Variants in SERPINI1 observed in about 807,000 individuals in gnomAD.
SERPINI1 encodes neuroserpin.
SERPINI1 carries 19 observed loss-of-function variants against 41.1 expected under a neutral mutation model. The ratio of observed to expected loss-of-function variants is 0.46; its 90% confidence interval spans 0.32 to 0.68. The LOEUF (loss-of-function observed/expected upper bound fraction) is 0.68, where lower values mean the gene tolerates loss of function less well. SERPINI1 is among the 30% of genes least tolerant of loss of function. SERPINI1 has a pLI of 0.03. For synonymous variants in SERPINI1, 138 were observed against 156.6 expected, an observed-to-expected ratio of 0.88 and a Z score of 0.89; for missense variants, 460 against 479.2, an observed-to-expected ratio of 0.96 and a Z score of 0.37.
chr3:167,774,381 G>C (rs1162504426), intron 1 of SERPINI1, among the ~76,000 whole-genome samples: 1 of 152,068 alleles, frequency 6.6e-6, no homozygotes, highest in Non-Finnish European at 1.5e-5. Context: ...AGAAAATTAT[G>C]GTTATTGGCC....
intron 1 of SERPINI1, among the ~76,000 whole-genome samples, chr3:167,774,572 CAGT>C (rs145527654): frequency 0.013 from 2,005 of 152,226 alleles, 26 homozygotes; most frequent in Non-Finnish European, 0.02. Flanking sequence ...CCAGGCCATA[CAGT>C]AGGAGGTGAA....
intron 4 of SERPINI1, among the ~76,000 whole-genome samples, chr3:167,793,838 A>ATGTGTGTGTGTGTG (rs56401913): frequency 0.033 from 4,665 of 141,186 alleles, 275 homozygotes; most frequent in African/African-American, 0.12. Flanking sequence ...GGCCATATGT[A>ATGTGTGTGTGTGTG]TGTGTGTGTG....
intron 5 of SERPINI1, among the ~76,000 whole-genome samples, chr3:167,795,522 G>C (rs903707088): frequency 6.6e-6 from 1 of 152,050 alleles, no homozygotes; most frequent in Non-Finnish European, 1.5e-5. Flanking sequence ...TCTTGCATTG[G>C]CCTAAACTGC....
chr3:167,808,872 T>C (rs1170426108), intron 6 of SERPINI1, among the ~76,000 whole-genome samples: 1 of 152,178 alleles, frequency 6.6e-6, no homozygotes, highest in Non-Finnish European at 1.5e-5. Context: ...TCTCAGTGTG[T>C]CTGTGATGAA....
intron 1 of SERPINI1, among the ~76,000 whole-genome samples, chr3:167,784,436 T>G (rs1209067296): frequency 6.6e-6 from 1 of 152,178 alleles, no homozygotes; most frequent in Non-Finnish European, 1.5e-5. Context: ...TGGTGCTACA[T>G]TAGTTGGGCA....
Position 167,823,194 on chromosome 3 carries a change from C to T in SERPINI1, c.1066+122C>T. On this transcript the variant is annotated intron_variant, in intron 7 of 8. Coordinates refer to ENST00000446050, the MANE Select transcript of SERPINI1 (RefSeq NM_001122752.2). ...AGTCACTCTGCTCTAACTTAGAAGTCAAGCAAATGCTGAACCAGCCGGAAT... is the reference window on the plus strand; with the variant it reads ...AGTCACTCTGCTCTAACTTAGAAGTTAAGCAAATGCTGAACCAGCCGGAAT... 5 of 750,026 alleles carry T rather than the reference C, an allele frequency of 6.7e-6. 1 individual carries two copies. The highest frequency in any genetic ancestry group is 2.0e-5 in the Admixed American group (1 of 51,150). The allele number at this position is 750,026 out of a possible 1,614,324, so 46.5% of individuals were successfully genotyped here. A position where few individuals can be genotyped will look rare whatever the true frequency, so the allele number is the denominator to read the frequency against.
At chr3:167,751,942 A>C (rs1726060061) in intron 1 of SERPINI1, among the ~76,000 whole-genome samples, 2 of 152,126 alleles carry the variant, frequency 1.3e-5, no homozygotes, top group African/African-American at 4.8e-5. Context: ...TTGACCTACC[A>C]AAAAAAGGTA....
chr3:167,812,000 A>C (rs1711905694), intron 6 of SERPINI1, among the ~76,000 whole-genome samples: 1 of 152,044 alleles, frequency 6.6e-6, no homozygotes, highest in Non-Finnish European at 1.5e-5. Flanking sequence ...AGTGGGGAAA[A>C]ATAAAACCTG....
At chr3:167,801,644 G>A (rs1388843716) in intron 5 of SERPINI1, among the ~76,000 whole-genome samples, 1 of 151,800 alleles carries the variant, frequency 6.6e-6, no homozygotes, top group African/African-American at 2.4e-5. Context: ...AGAGCATCAT[G>A]GAAATCATTA....
At chr3:167,755,605 C>T (rs1726168487) in intron 1 of SERPINI1, among the ~76,000 whole-genome samples, 1 of 152,152 alleles carries the variant, frequency 6.6e-6, no homozygotes, top group South Asian at 2.1e-4. Context: ...ACTGACTGTT[C>T]ATACTTGAAA....
At chr3:167,751,165 T>C (rs1166518361) in intron 1 of SERPINI1, among the ~76,000 whole-genome samples, 3 of 152,092 alleles carry the variant, frequency 2.0e-5, no homozygotes, top group Admixed American at 6.6e-5. Context: ...GTTTATTATG[T>C]TAGGAAAAAA....
At position 167,807,263 on chromosome 3, in the gene SERPINI1, A is replaced by G; in HGVS notation, c.901A>G (p.Ile301Val). The change falls in exon 6 of 9, where the codon ATT becomes GTT. Residue 301 changes from isoleucine (I) to valine (V), a missense_variant. Coordinates refer to ENST00000446050, the MANE Select transcript of SERPINI1 (RefSeq NM_001122752.2). ...YLPRFTVEQE[I>V]DLKDVLKALG... ...CTCCAGGTTCACAGTGGAACAGGAA[A>G]TTGATTTAAAAGATGTTTTGAAGGC... 2 of 1,612,508 alleles carry G rather than the reference A, an allele frequency of 1.2e-6. No homozygotes were observed. Among genetic ancestry groups the G allele is most frequent in the Non-Finnish European group, 8.5e-7 (1 of 1,178,854 alleles).
At chr3:167,800,945 G>A (rs1403077063) in intron 5 of SERPINI1, among the ~76,000 whole-genome samples, 1 of 152,184 alleles carries the variant, frequency 6.6e-6, no homozygotes, top group East Asian at 1.9e-4. Context: ...AGCCTCCTAA[G>A]TAGCTGGGAT....
intron 1 of SERPINI1, among the ~76,000 whole-genome samples, chr3:167,740,381 T>G (rs1725637962): frequency 6.6e-6 from 1 of 152,202 alleles, no homozygotes; most frequent in South Asian, 2.1e-4. Context: ...TAAACTTAGT[T>G]CATACTATCT....
At chr3:167,740,735 C>T (rs1399639790) in intron 1 of SERPINI1, among the ~76,000 whole-genome samples, 6 of 152,040 alleles carry the variant, frequency 3.9e-5, no homozygotes, top group African/African-American at 1.4e-4. Context: ...TGTGTGTGTG[C>T]GTGCATGGGC....
At chr3:167,745,288 A>C (rs1325328832) in intron 1 of SERPINI1, among the ~76,000 whole-genome samples, 1 of 152,058 alleles carries the variant, frequency 6.6e-6, no homozygotes, top group East Asian at 1.9e-4. Context: ...TTAGCATTAC[A>C]TACTATATCA....
intron 5 of SERPINI1, among the ~76,000 whole-genome samples, chr3:167,806,042 A>AT (rs1439622949): frequency 1.3e-5 from 2 of 152,162 alleles, no homozygotes; most frequent in East Asian, 3.8e-4. Flanking sequence ...TTGAAGCACT[A>AT]TTTACAATAG....
intron 1 of SERPINI1, among the ~76,000 whole-genome samples, chr3:167,781,253 A>T (rs62278359): frequency 0.13 from 19,462 of 152,034 alleles, 1,517 homozygotes; most frequent in African/African-American, 0.21. Context: ...AAAGCAGTGG[A>T]TTCCAAACTC....
intron 4 of SERPINI1, among the ~76,000 whole-genome samples, chr3:167,794,041 G>A (rs1055729185): frequency 2.0e-5 from 3 of 152,010 alleles, no homozygotes; most frequent in Non-Finnish European, 4.4e-5. Flanking sequence ...TGATAATAAA[G>A]TGCCAGGTAT....
Sources: gnomAD v4.1 joint callset for allele counts (sites outside exome capture counted in the v4.1 genomes callset) on GRCh38, gnomAD v4.1.1 for gene constraint, MANE v1.5 for transcripts, NCBI Gene and HGNC (gene_info 2026-07-23, HGNC 2026-07-21) for gene names.